Variants in PNMA2 observed in about 807,000 individuals in gnomAD.
The protein encoded by PNMA2 is PNMA family member 2, also known as paraneoplastic antigen Ma2.
For synonymous variants in PNMA2, 175 were observed against 183.5 expected, an observed-to-expected ratio of 0.95 and a Z score of 0.38; for missense variants, 455 against 452.9, an observed-to-expected ratio of 1.00 and a Z score of -0.04.
intron 1 of PNMA2, among the ~76,000 whole-genome samples, chr8:26,513,366 A>C (rs1808203903): frequency 1.3e-5 from 2 of 148,550 alleles, no homozygotes; most frequent in Non-Finnish European, 1.5e-5. Context: ...GCCCCTCTGA[A>C]TTTCTTCCCG....
In PNMA2 at chr8:26,509,567, T is replaced by A. The variant is rs912317201; in HGVS notation, c.-508A>T. The A allele has an allele frequency of 7.2e-5, 11 of 152,172 alleles. No individual in the cohort carries two copies. Among genetic ancestry groups the A allele is most frequent in the Admixed American group, 4.6e-4 (7 of 15,278 alleles). 9.4% of individuals were successfully genotyped at this position (152,172 alleles called of 1,614,324 possible). ...AAATACCTGTTGATGTGTTCCCGAG[T>A]GTTCCGCGAGAGGTGAGGAGCTTAT... On this transcript the variant is annotated 5_prime_UTR_variant, in exon 2 of 3. Coordinates refer to ENST00000522362, the MANE Select transcript of PNMA2 (RefSeq NM_007257.6). The surrounding 1 kb of genome is among the most constrained non-coding windows in gnomAD (Gnocchi z 5.7).
At position 26,507,315 on chromosome 8, in the gene PNMA2, A is replaced by G. The variant is rs562801417; in HGVS notation, c.*346T>C. 127 of 183,424 alleles carry G rather than the reference A, an allele frequency of 6.9e-4. No individual in the cohort carries two copies. The highest frequency in any genetic ancestry group is 2.9e-3 in the African/African-American group (126 of 42,732). 11.4% of individuals were successfully genotyped at this position (183,424 alleles called of 1,614,324 possible). On this transcript the variant is annotated 3_prime_UTR_variant, in exon 3 of 3. Transcript: ENST00000522362. ...CATGGTGGTGCGTGCCTGTAGTCCC[A>G]GGTACTTGGGAGGCTAAGGTGTGAG...
At position 26,508,074 on chromosome 8, in the gene PNMA2, T is replaced by C. The variant is rs150597488; in HGVS notation, c.682A>G (p.Ile228Val). The change falls in exon 3 of 3, where the codon ATC becomes GTC. Residue 228 changes from isoleucine to valine, a missense_variant. Ile to Val is a conservative substitution (Grantham distance 29). Transcript: ENST00000522362. This position sits in a 1 kb window ranked among gnomAD's most constrained non-coding sequence, Gnocchi z 5.5. ...GCCTCCAAACACTCTTCTACACTGA[T>C]GGACGGGTTGTCTGCCTGCACTATG... ...MHIVQADNPS[I>V]SVEECLEAFK... 1.2e-6 allele frequency: 2 copies of C among 1,614,252 alleles called. No individual in the cohort carries two copies. Among genetic ancestry groups the C allele is most frequent in the South Asian group, 2.2e-5 (2 of 91,086 alleles).
intron 1 of PNMA2, among the ~76,000 whole-genome samples, chr8:26,510,893 C>T (rs1808140108): frequency 6.6e-6 from 1 of 152,178 alleles, no homozygotes; most frequent in Admixed American, 6.5e-5. Flanking sequence ...TGACTCATGC[C>T]TGTAATCCCA....
rs201952324 is a variant in PNMA2 at position 26,512,385 on chromosome 8, CTGTT to C, written c.-619+1427_-619+1430del. On this transcript the variant is annotated intron_variant, in intron 1 of 2. Transcript: ENST00000522362. ...CACTCCTATATTCTTCTTCCCCAGT[CTGTT>C]TCTCATCCGGAGACGCCTTTCCACC... 8.2e-3 allele frequency among the ~76,000 whole-genome samples: 1,253 copies of C among 152,356 alleles called. 14 individuals are homozygous for C. The highest frequency in any genetic ancestry group is 0.01 in the Non-Finnish European group (709 of 68,036).
rs1228680900 is a variant in PNMA2 at position 26,513,398 on chromosome 8, C to A, written c.-619+418G>T. Among the ~76,000 whole-genome samples the A allele has an allele frequency of 5.5e-5, 8 of 145,804 alleles. No homozygotes were observed. In the South Asian group the frequency reaches 6.7e-4, roughly 12 times the overall value. On this transcript the variant is annotated intron_variant, in intron 1 of 2. Coordinates refer to ENST00000522362, the MANE Select transcript of PNMA2 (RefSeq NM_007257.6). ...CCCGCCATGTTGTGTGCCCCCCCCC[C>A]ACTCCCCCGTCACCCCAACCACACC...
intron 1 of PNMA2, among the ~76,000 whole-genome samples, chr8:26,511,235 C>T (rs1195438416): frequency 6.6e-5 from 10 of 151,896 alleles, no homozygotes; most frequent in Non-Finnish European, 2.9e-5. Context: ...ACAACCATTT[C>T]CCCCTTGGCC....
At chr8:26,513,388 G>GCCCCCCCCCCCCCTCCCC (rs148272306) in intron 1 of PNMA2, among the ~76,000 whole-genome samples, 1 of 141,048 alleles carries the variant, frequency 7.1e-6, no homozygotes, top group South Asian at 2.3e-4. Context: ...CATGTTGTGT[G>GCCCCCCCCCCCCCTCCCC]CCCCCCCCCC....
Position 26,507,441 on chromosome 8 carries a change from A to G in PNMA2, c.*220T>C. The G allele has an allele frequency of 2.2e-6, 1 of 447,146 alleles. No homozygotes were observed. Among genetic ancestry groups the G allele is most frequent in the Non-Finnish European group, 3.9e-6 (1 of 258,650 alleles). 27.7% of individuals were successfully genotyped at this position (447,146 alleles called of 1,614,324 possible). ...GTGATGAGAGTGAGACCCAAGAAAT[A>G]AAGAAGAAAGAGAAAAAGAAAAAAG... On this transcript the variant is annotated 3_prime_UTR_variant, in exon 3 of 3. Transcript: ENST00000522362.
intron 1 of PNMA2, among the ~76,000 whole-genome samples, chr8:26,510,581 T>A (rs529024589): frequency 6.6e-6 from 1 of 152,134 alleles, no homozygotes; most frequent in African/African-American, 2.4e-5. Flanking sequence ...CCTGAGTACC[T>A]GGGACCACAG....
rs1808054659 is a variant in PNMA2, at chr8:26,507,069, T to G, written c.*592A>C. 6.6e-6 allele frequency: 1 copy of G among 152,192 alleles called. No individual in the cohort carries two copies. The highest frequency in any genetic ancestry group is 1.5e-5 in the Non-Finnish European group (1 of 68,036). 9.4% of individuals were successfully genotyped at this position (152,192 alleles called of 1,614,324 possible). On this transcript the variant is annotated 3_prime_UTR_variant, in exon 3 of 3. Coordinates refer to ENST00000522362, the MANE Select transcript of PNMA2 (RefSeq NM_007257.6). ...AGGCTTACTATTTAATATTTGGAGT[T>G]TAATCTTTTGTTCATTAATAATCTA...
At position 26,508,292 on chromosome 8, in the gene PNMA2, T is replaced by C. The variant is rs763201862; in HGVS notation, c.464A>G (p.Gln155Arg). The change falls in exon 3 of 3, where the codon CAG becomes CGG. Residue 155 changes from glutamine to arginine, a missense_variant. Transcript: ENST00000522362. The surrounding 1 kb of genome is among the most constrained non-coding windows in gnomAD (Gnocchi z 5.5). Reference sequence around the variant, plus strand: ...CCGGTATCTCATGGGTAGCAGGGGCTGAGGCGCATGTGCCATTGCCTGTCC... The same window carrying C: ...CCGGTATCTCATGGGTAGCAGGGGCCGAGGCGCATGTGCCATTGCCTGTCC... The part of the protein sequence containing the change: ...LLGQAMAHAP[Q>R]PLLPMRYRKL... 9 of 1,604,030 alleles carry C rather than the reference T, an allele frequency of 5.6e-6. No individual in the cohort carries two copies. Among genetic ancestry groups the C allele is most frequent in the Middle Eastern group, 1.7e-4 (1 of 6,018 alleles).
chr8:26,511,363 C>A (rs557209100), intron 1 of PNMA2, among the ~76,000 whole-genome samples: 2 of 152,250 alleles, frequency 1.3e-5, no homozygotes, highest in East Asian at 3.9e-4. Flanking sequence ...GCTGAAGGCA[C>A]CAGGGGTGCC....
In PNMA2 at chr8:26,507,645, T is replaced by G. The variant is rs764432727; in HGVS notation, c.*16A>C. 1.3e-6 allele frequency: 2 copies of G among 1,529,924 alleles called. No individual in the cohort carries two copies. The highest frequency in any genetic ancestry group is 4.5e-5 in the East Asian group (2 of 44,238). 94.8% of individuals were successfully genotyped at this position (1,529,924 alleles called of 1,614,324 possible). A position where few individuals can be genotyped will look rare whatever the true frequency, so the allele number is the denominator to read the frequency against. On this transcript the variant is annotated 3_prime_UTR_variant, in exon 3 of 3. Transcript: ENST00000522362. ...GTCTTAGCCCACTGGCTGTGGGTCC[T>G]GCCCCCAGGTGGTTTTCAGTCGTCT...
At chr8:26,513,544 C>A (rs1330990189) in intron 1 of PNMA2, among the ~76,000 whole-genome samples, 1 of 152,234 alleles carries the variant, frequency 6.6e-6, no homozygotes. Flanking sequence ...CTCCTGTCCA[C>A]CCTGCCTGTG....
At chr8:26,511,812 C>T (rs1373858956) in intron 1 of PNMA2, 1 of 152,198 alleles carries the variant, frequency 6.6e-6, no homozygotes, top group Non-Finnish European at 1.5e-5. Context: ...CTGGGGGCAA[C>T]CTTCCTCCCC....
In PNMA2 at chr8:26,508,355, A is replaced by G. The variant is rs1808087054; in HGVS notation, c.401T>C (p.Val134Ala). The stretch of plus-strand genomic sequence containing the variant: ...CAGTAATTCTGGTGAGATGCAGGGC[A>G]CTGTGGCTGGAGACACGCCCTCCTG... Reference protein sequence around the residue: ...LGQEGVSPATVPCISPELLAH... With the variant: ...LGQEGVSPATAPCISPELLAH... The change falls in exon 3 of 3, where the codon GTG becomes GCG. Residue 134 changes from valine to alanine, a missense_variant. Coordinates refer to ENST00000522362, the MANE Select transcript of PNMA2 (RefSeq NM_007257.6). The surrounding 1 kb of genome is among the most constrained non-coding windows in gnomAD (Gnocchi z 5.5). 6.2e-7 allele frequency: 1 copy of G among 1,614,034 alleles called. No homozygotes were observed. Among genetic ancestry groups the G allele is most frequent in the Non-Finnish European group, 8.5e-7 (1 of 1,179,924 alleles).
intron 1 of PNMA2, among the ~76,000 whole-genome samples, chr8:26,513,334 A>C (rs1243749675): frequency 2.0e-5 from 3 of 149,348 alleles, no homozygotes; most frequent in Non-Finnish European, 4.4e-5. Flanking sequence ...GTCTCTCTCT[A>C]TATTCCTCTC....
chr8:26,512,399 G>C (rs1413551911), intron 1 of PNMA2, among the ~76,000 whole-genome samples: 2 of 152,188 alleles, frequency 1.3e-5, no homozygotes, highest in African/African-American at 4.8e-5. Flanking sequence ...TTCTCATCCG[G>C]AGACGCCTTT....
Sources: gnomAD v4.1 joint callset for allele counts (sites outside exome capture counted in the v4.1 genomes callset) on GRCh38, gnomAD v4.1.1 for gene constraint, Gnocchi (gnomAD v3.1) non-coding constraint, MANE v1.5 for transcripts, NCBI Gene and HGNC (gene_info 2026-07-23, HGNC 2026-07-21) for gene names.